Variants in SOAT2 observed in about 807,000 individuals in gnomAD.
SOAT2 encodes ACAT-2.
Under a neutral mutation model 76.0 loss-of-function variants are expected in SOAT2, and 87 were observed. The ratio of observed to expected loss-of-function variants is 1.14; its 90% CI spans 0.96 to 1.37. SOAT2 has a LOEUF of 1.37. Among genes scored for constraint, SOAT2 ranks in the 40% most tolerant of loss-of-function variants. SOAT2 has a pLI of 0.00. For missense variants in SOAT2, 686 were observed against 682.1 expected (o/e 1.01, Z -0.06); for synonymous variants, 285 against 275.4 (o/e 1.03, Z -0.34).
At chr12:53,107,339 T>C (rs1937951337) in intron 5 of SOAT2, among the ~76,000 whole-genome samples, 1 of 152,158 alleles carries the variant, frequency 6.6e-6, no homozygotes. Context: ...CAGCACCTGC[T>C]GAAACATAAT....
chr12:53,118,333 CT>C lies in SOAT2; in HGVS notation c.779-16del, dbSNP rs776686656. The C allele has an allele frequency of 6.3e-7, 1 of 1,593,460 alleles. No individual in the cohort carries two copies. The highest frequency in any genetic ancestry group is 8.6e-7 in the Non-Finnish European group (1 of 1,161,624). Reference sequence around the variant, plus strand: ...TGCCCTTGCCCTTACTAATCCACCCCTCTCATTCCTCCCCAGGTGAGGGGAT... The same window carrying C: ...TGCCCTTGCCCTTACTAATCCACCCCCTCATTCCTCCCCAGGTGAGGGGAT... On this transcript the variant is annotated splice_polypyrimidine_tract_variant and intron_variant, in intron 7 of 14. Coordinates refer to ENST00000301466, the MANE Select transcript of SOAT2 (RefSeq NM_003578.4).
Position 53,123,069 on chromosome 12 carries a change from T to C in SOAT2, c.1237-12T>C. 6.2e-7 allele frequency: 1 copy of C among 1,608,464 alleles called. No individual in the cohort carries two copies. The highest frequency in any genetic ancestry group is 1.3e-5 in the African/African-American group (1 of 74,712). On this transcript the variant is annotated splice_polypyrimidine_tract_variant and intron_variant, in intron 12 of 14. Coordinates refer to ENST00000301466, the MANE Select transcript of SOAT2 (RefSeq NM_003578.4). ...GGAGACTTACTCTTCACTCCTTTCC[T>C]CACCCTGCCAGCTCCTTGGTGCCCG...
chr12:53,104,847 G>A (rs1310801130), intron 2 of SOAT2, among the ~76,000 whole-genome samples: 1 of 152,052 alleles, frequency 6.6e-6, no homozygotes, highest in Non-Finnish European at 1.5e-5. Flanking sequence ...AGGGATCATG[G>A]CTTGTTCATC....
At chr12:53,119,558 A>G (rs1938159104) in intron 10 of SOAT2, among the ~76,000 whole-genome samples, 1 of 149,706 alleles carries the variant, frequency 6.7e-6, no homozygotes, top group African/African-American at 2.5e-5. Context: ...CAAAAACTCT[A>G]GTGATAAGTC....
intron 5 of SOAT2, among the ~76,000 whole-genome samples, chr12:53,111,867 C>A (rs1199067082): frequency 6.6e-6 from 1 of 152,074 alleles, no homozygotes; most frequent in Non-Finnish European, 1.5e-5. Flanking sequence ...TTTTATTTTT[C>A]TTTAAGCCAA....
chr12:53,107,070 T>G (rs1937947057), intron 5 of SOAT2, among the ~76,000 whole-genome samples: 2 of 152,194 alleles, frequency 1.3e-5, no homozygotes, highest in South Asian at 4.1e-4. Context: ...ACTTAACCAC[T>G]CAGTCAGTAC....
At chr12:53,116,603 C>A (rs1185490143) in intron 7 of SOAT2, among the ~76,000 whole-genome samples, 1 of 152,148 alleles carries the variant, frequency 6.6e-6, no homozygotes, top group Non-Finnish European at 1.5e-5. Flanking sequence ...GTGGCTCACA[C>A]AGGTAATCCC....
At position 53,105,558 on chromosome 12, in the gene SOAT2, C is replaced by A. The variant is rs760844878; in HGVS notation, c.276-3C>A. 2 of 1,610,546 alleles carry A rather than the reference C, an allele frequency of 1.2e-6. No homozygotes were observed. The highest frequency in any genetic ancestry group is 3.3e-5 in the Admixed American group (2 of 59,784). On this transcript the variant is annotated splice_region_variant and splice_polypyrimidine_tract_variant and intron_variant, in intron 3 of 14. Transcript: ENST00000301466. ...CTGACCCTGAACAAACATCTCAATT[C>A]AGGACCCAGGAGCCATCCCTGGGGA...
At chr12:53,107,621 A>ATTTTTTTTTTTTTTTTTTT (rs1565625989) in intron 5 of SOAT2, among the ~76,000 whole-genome samples, 2 of 122,350 alleles carry the variant, frequency 1.6e-5, no homozygotes, top group African/African-American at 7.5e-5. Flanking sequence ...CAACAGATGT[A>ATTTTTTTTTTTTTTTTTTT]CTTTTTTTTT....
At chr12:53,115,898 G>T (rs1170256148) in intron 6 of SOAT2, among the ~76,000 whole-genome samples, 199 bp from the exon 7 acceptor site, 1 of 152,224 alleles carries the variant, frequency 6.6e-6, no homozygotes, top group African/African-American at 2.4e-5. Flanking sequence ...CTCCGCTCTG[G>T]CCTCTTATCC....
chr12:53,104,990 T>TG, intron 2 of SOAT2, 117 bp from the exon 3 acceptor site: 2 of 1,157,400 alleles, frequency 1.7e-6, no homozygotes, highest in African/African-American at 3.3e-5. Flanking sequence ...CCCAGGTTGT[T>TG]TTTTTTTTTA....
intron 7 of SOAT2, 95 bp from the exon 8 acceptor site, chr12:53,118,249 CATTTCT>C: frequency 6.9e-6 from 4 of 581,798 alleles, no homozygotes; most frequent in African/African-American, 2.0e-5. Flanking sequence ...CCACCCTATC[CATTTCT>C]CCACTCACCA....
chr12:53,119,361 C>T (rs371412292), intron 10 of SOAT2, 108 bp downstream of exon 10: 11 of 1,232,748 alleles, frequency 8.9e-6, no homozygotes, highest in East Asian at 5.1e-5. Context: ...CCTTCTGAGT[C>T]TCTCCTCACA....
chr12:53,110,051 T>G (rs1354877314), intron 5 of SOAT2, among the ~76,000 whole-genome samples: 1 of 152,196 alleles, frequency 6.6e-6, no homozygotes, highest in Admixed American at 6.5e-5. Flanking sequence ...TGCTTAAACC[T>G]CCATCTTTAT....
Position 53,104,164 on chromosome 12 carries a change from G to A in SOAT2, c.96G>A (p.Thr32=), listed in dbSNP as rs377417504. ...CCCTCCTCACAGGAAACACTGAGAC[G>A]CACAGAGCCCCGGACTTGGTACAAT... ...RQPCGDGNTE[T]HRAPDLVQWT... is the part of the protein sequence containing the mutation. Residue 32 remains threonine (T), a synonymous_variant, in exon 2 of 15, where the codon ACG becomes ACA. Coordinates refer to ENST00000301466, the MANE Select transcript of SOAT2 (RefSeq NM_003578.4). 18 of 1,613,320 alleles carry A rather than the reference G, an allele frequency of 1.1e-5. No individual in the cohort carries two copies. In the Middle Eastern group the frequency reaches 5.0e-4, roughly 44 times the overall value.
At chr12:53,117,408 A>T (rs771888465) in intron 7 of SOAT2, among the ~76,000 whole-genome samples, 1 of 151,564 alleles carries the variant, frequency 6.6e-6, no homozygotes, top group Non-Finnish European at 1.5e-5. Flanking sequence ...GCTGGCCCCT[A>T]ATTTCAATAT....
intron 5 of SOAT2, among the ~76,000 whole-genome samples, 156 bp from the exon 6 acceptor site, chr12:53,115,234 T>G (rs934180069): frequency 1.3e-5 from 2 of 152,228 alleles, no homozygotes; most frequent in African/African-American, 2.4e-5. Context: ...AGCAACGCCC[T>G]GTGCCACAGA....
intron 7 of SOAT2, 95 bp downstream of exon 7, chr12:53,116,261 C>T: frequency 8.4e-7 from 1 of 1,186,028 alleles, no homozygotes; most frequent in Non-Finnish European, 1.2e-6. Flanking sequence ...TCCCTGCCTT[C>T]CTAAGCCCGG....
At chr12:53,107,783 C>G (rs975125839) in intron 5 of SOAT2, among the ~76,000 whole-genome samples, 1 of 151,826 alleles carries the variant, frequency 6.6e-6, no homozygotes, top group African/African-American at 2.4e-5. Flanking sequence ...TTACTGTGTT[C>G]GGCTCATTTT....
Sources: gnomAD v4.1 joint callset for allele counts (sites outside exome capture counted in the v4.1 genomes callset) on GRCh38, gnomAD v4.1.1 for gene constraint, MANE v1.5 for transcripts, NCBI Gene and HGNC (gene_info 2026-07-23, HGNC 2026-07-21) for gene names.